VCL: variants seen among roughly 807,000 people sequenced by gnomAD.
The protein encoded by VCL is vinculin.
VCL carries 47 observed loss-of-function variants against 125.7 expected under a neutral mutation model. That is an observed-to-expected ratio of 0.37 (90% CI 0.30 to 0.48). VCL has a LOEUF of 0.48. VCL is among the 20% of genes least tolerant of loss of function. The pLI, the probability that VCL is intolerant of heterozygous loss-of-function variation, is 0.99. For synonymous variants in VCL, 458 were observed against 514.6 expected (o/e 0.89, Z 1.49); for missense variants, 1,069 against 1,455.5 (o/e 0.73, Z 4.32).
chr10:74,073,926 ATGAG>A (rs1374239774), intron 5 of VCL, among the ~76,000 whole-genome samples: 1 of 152,216 alleles, frequency 6.6e-6, no homozygotes, highest in African/African-American at 2.4e-5. Context: ...AAAAGGACAT[ATGAG>A]TATAAGAGTT....
At chr10:74,084,894 G>A (rs1474077263) in intron 8 of VCL, among the ~76,000 whole-genome samples, 6 of 152,166 alleles carry the variant, frequency 3.9e-5, no homozygotes, top group Non-Finnish European at 8.8e-5. Flanking sequence ...TTATAGGTGT[G>A]AGCCACCATG....
chr10:74,073,166 CTT>C (rs746654115), intron 5 of VCL, among the ~76,000 whole-genome samples: 6 of 152,240 alleles, frequency 3.9e-5, no homozygotes, highest in Non-Finnish European at 2.9e-5. Context: ...GTCTTGATCT[CTT>C]GACCTCGTGA....
chr10:74,018,573 A>G (rs1053482433), intron 1 of VCL, among the ~76,000 whole-genome samples: 3 of 152,174 alleles, frequency 2.0e-5, no homozygotes, highest in African/African-American at 4.8e-5. Context: ...CAGAGTGAAT[A>G]CAAAGATACA....
chr10:74,005,829 G>A (rs1840314880), intron 1 of VCL, among the ~76,000 whole-genome samples: 1 of 151,980 alleles, frequency 6.6e-6, no homozygotes, highest in African/African-American at 2.4e-5. Flanking sequence ...GTTATAAATA[G>A]TTATACTGTT....
At chr10:74,115,945 G>A (rs1402860884) in intron 21 of VCL, among the ~76,000 whole-genome samples, 1 of 152,126 alleles carries the variant, frequency 6.6e-6, no homozygotes, top group African/African-American at 2.4e-5. Context: ...TCCCCTCCGG[G>A]AGGCCCTGCT....
chr10:74,074,948 C>A, intron 6 of VCL, 45 bp downstream of exon 6: 1 of 1,612,246 alleles, frequency 6.2e-7, no homozygotes, highest in South Asian at 1.1e-5. Context: ...CCAACTCTCC[C>A]TGGCTGGGGG....
intron 21 of VCL, among the ~76,000 whole-genome samples, chr10:74,115,349 C>G (rs1307288756): frequency 6.6e-6 from 1 of 151,610 alleles, no homozygotes; most frequent in South Asian, 2.1e-4. Flanking sequence ...TGAAGACTAG[C>G]TTGGGCAAAA....
chr10:74,101,541 A>ATTTTT (rs1840056363), intron 14 of VCL, among the ~76,000 whole-genome samples: 1 of 112,358 alleles, frequency 8.9e-6, no homozygotes, highest in African/African-American at 4.0e-5. Context: ...ACTATTTATT[A>ATTTTT]GTTTTTTTTT....
At chr10:74,067,505 T>C (rs1841591129) in intron 2 of VCL, among the ~76,000 whole-genome samples, 1 of 152,170 alleles carries the variant, frequency 6.6e-6, no homozygotes, top group Non-Finnish European at 1.5e-5. Context: ...CTATATAAAC[T>C]AGCAATTCCT....
chr10:74,043,305 AAAC>A, intron 2 of VCL, 152 bp downstream of exon 2: 1 of 744,302 alleles, frequency 1.3e-6, no homozygotes, highest in East Asian at 2.6e-5. Context: ...TTTTTTAAAA[AAAC>A]TGTTCATTTT....
intron 1 of VCL, among the ~76,000 whole-genome samples, chr10:74,003,134 G>A (rs183324893): frequency 1.3e-5 from 2 of 151,936 alleles, no homozygotes; most frequent in African/African-American, 4.8e-5. Context: ...GTGCAGTGGC[G>A]TGACCTCAGC....
chr10:74,073,960 G>A (rs1222309259), intron 5 of VCL, among the ~76,000 whole-genome samples: 16 of 152,266 alleles, frequency 1.1e-4, no homozygotes, highest in Non-Finnish European at 4.4e-5. Context: ...GGGCACAGTG[G>A]CTCACTCCTG....
chr10:74,029,175 G>T (rs1266323752), intron 1 of VCL, among the ~76,000 whole-genome samples: 1 of 151,164 alleles, frequency 6.6e-6, no homozygotes, highest in Admixed American at 6.6e-5. Context: ...GTGCAGTGGC[G>T]TGATCTCGGC....
chr10:74,011,763 A>C (rs140464956), intron 1 of VCL, among the ~76,000 whole-genome samples: 5 of 152,294 alleles, frequency 3.3e-5, no homozygotes, highest in African/African-American at 1.2e-4. Context: ...ACATATTTTG[A>C]ACTTTTAGAT....
At chr10:74,113,989 G>A (rs543424209) in intron 19 of VCL, among the ~76,000 whole-genome samples, 195 bp from the exon 20 acceptor site, 1 of 151,958 alleles carries the variant, frequency 6.6e-6, no homozygotes, top group Admixed American at 6.5e-5. Context: ...GTGCTTGGGC[G>A]AGTGCCCTGT....
intron 2 of VCL, among the ~76,000 whole-genome samples, chr10:74,053,461 C>T (rs1841341472): frequency 2.6e-5 from 4 of 151,786 alleles, no homozygotes; most frequent in South Asian, 2.1e-4. Context: ...TTTTTCTTAT[C>T]GCTCTTATTA....
chr10:74,008,617 T>C (rs1840361809), intron 1 of VCL, among the ~76,000 whole-genome samples: 2 of 152,224 alleles, frequency 1.3e-5, no homozygotes, highest in Non-Finnish European at 2.9e-5. Flanking sequence ...GACAAAGATA[T>C]CACAAAGTTG....
chr10:74,009,778 T>A (rs1222828477), intron 1 of VCL, among the ~76,000 whole-genome samples: 2 of 151,502 alleles, frequency 1.3e-5, no homozygotes, highest in African/African-American at 4.9e-5. Flanking sequence ...CCTGGCTAAT[T>A]TTTGTATTTT....
chr10:74,095,661 G>A lies in VCL; in HGVS notation c.1549G>A (p.Ala517Thr), dbSNP rs2131916166. The change falls in exon 12 of 22, where the codon GCT (alanine) becomes ACT (threonine). Residue 517 changes from alanine (A) to threonine (T), a missense_variant. Coordinates refer to ENST00000211998, the MANE Select transcript of VCL (RefSeq NM_014000.3). ...PTVDDRGVGQ[A>T]AIRGLVAEGH... ...TTGTTTTTCTCTTGGTCCAGGTCAG[G>A]CTGCCATCCGGGGGCTTGTGGCCGA... 6.2e-7 allele frequency: 1 copy of A among 1,613,900 alleles called. No individual in the cohort carries two copies. Among genetic ancestry groups the A allele is most frequent in the South Asian group, 1.1e-5 (1 of 91,062 alleles).
Sources: gnomAD v4.1 joint callset for allele counts (sites outside exome capture counted in the v4.1 genomes callset) on GRCh38, gnomAD v4.1.1 for gene constraint, MANE v1.5 for transcripts, NCBI Gene and HGNC (gene_info 2026-07-23, HGNC 2026-07-21) for gene names.